Variants in MED15 observed in about 807,000 individuals in gnomAD.
MED15 encodes the protein mediator complex subunit 15, also known as mediator of RNA polymerase II transcription subunit 15.
Under a neutral mutation model 118.7 loss-of-function variants are expected in MED15, and 41 were observed. The ratio of observed to expected loss-of-function variants is 0.35; its 90% CI spans 0.27 to 0.45. The LOEUF (loss-of-function observed/expected upper bound fraction) is 0.45. Ranked by LOEUF, MED15 falls within the 20% of genes least tolerant of loss-of-function variation. The probability of loss-of-function intolerance (pLI) is 1.00; values close to 1 mark genes in which losing one functional copy is unlikely to be tolerated. For missense variants in MED15, 740 were observed against 1,025.5 expected (o/e 0.72, Z 3.80); for synonymous variants, 436 against 413.9 (o/e 1.05, Z -0.65).
chr22:20,538,688 T>C (rs1361457690), intron 2 of MED15, among the ~76,000 whole-genome samples: 1 of 151,672 alleles, frequency 6.6e-6, no homozygotes, highest in Non-Finnish European at 1.5e-5. Context: ...TTGTACAACA[T>C]ATGGGTTTTT....
chr22:20,518,434 T>G (rs75439996), intron 1 of MED15, among the ~76,000 whole-genome samples: 4,570 of 152,294 alleles, frequency 0.03, 241 homozygotes, highest in African/African-American at 0.1. Context: ...TGCTGTAGTG[T>G]CTGGCTCTTC....
intron 5 of MED15, among the ~76,000 whole-genome samples, chr22:20,560,261 C>CTATTAT (rs141805630): frequency 0.065 from 9,775 of 151,386 alleles, 586 homozygotes; most frequent in East Asian, 0.34. Flanking sequence ...CATTTCTTTT[C>CTATTAT]TATTATTATT....
intron 9 of MED15, among the ~76,000 whole-genome samples, chr22:20,575,627 C>T (rs165684): frequency 0.2 from 29,864 of 151,694 alleles, 2,983 homozygotes; most frequent in South Asian, 0.25. Context: ...ATCTCAACAC[C>T]TCAGGAGGCC....
intron 5 of MED15, among the ~76,000 whole-genome samples, chr22:20,563,070 A>G (rs2056306009): frequency 6.6e-6 from 1 of 152,188 alleles, no homozygotes; most frequent in African/African-American, 2.4e-5. Flanking sequence ...CAGAATTGCT[A>G]AAATGAATAG....
In MED15 at chr22:20,581,222, AAG is replaced by A. The variant is rs1424814726; in HGVS notation, c.1273-1386_1273-1385del. 2.6e-5 allele frequency among the ~76,000 whole-genome samples: 4 copies of A among 151,852 alleles called. No individual in the cohort carries two copies. In the East Asian group the frequency reaches 8.3e-4, roughly 31 times the overall value. On this transcript the variant is annotated intron_variant, in intron 9 of 17. Coordinates refer to ENST00000263205, the MANE Select transcript of MED15 (RefSeq NM_001003891.3). ...CAGCCCATGGAACAGGCAGGACAGA[AAG>A]AGCATTTCGCTCCAGGAGCTTGGTC...
intron 2 of MED15, among the ~76,000 whole-genome samples, chr22:20,541,435 A>T (rs1322512923): frequency 6.6e-6 from 1 of 152,194 alleles, no homozygotes; most frequent in Non-Finnish European, 1.5e-5. Flanking sequence ...TATAATGGCT[A>T]TGATTTTTAA....
intron 9 of MED15, among the ~76,000 whole-genome samples, chr22:20,580,885 G>A (rs922338165): frequency 3.3e-5 from 5 of 152,346 alleles, no homozygotes; most frequent in African/African-American, 9.6e-5. Flanking sequence ...TAACCTTTGC[G>A]AGAATCACCG....
At chr22:20,544,178 CG>C (rs2055431516) in intron 2 of MED15, among the ~76,000 whole-genome samples, 1 of 152,076 alleles carries the variant, frequency 6.6e-6, no homozygotes, top group Non-Finnish European at 1.5e-5. Flanking sequence ...CTTTAACATC[CG>C]CATTTCTACC....
At position 20,564,444 on chromosome 22, in the gene MED15, T is replaced by C. The variant is rs780750065; in HGVS notation, c.452-6T>C. ...GGACTGACTGGCGACTCTGGTCTTTTCTCAGCCCAGCTGCAGCTCCAGCAG... is the reference window on the plus strand; with the variant it reads ...GGACTGACTGGCGACTCTGGTCTTTCCTCAGCCCAGCTGCAGCTCCAGCAG... On this transcript the variant is annotated splice_polypyrimidine_tract_variant and splice_region_variant and intron_variant, in intron 5 of 17. Coordinates refer to ENST00000263205, the MANE Select transcript of MED15 (RefSeq NM_001003891.3). 3.7e-6 allele frequency: 6 copies of C among 1,613,716 alleles called. No individual in the cohort carries two copies. The East Asian group carries it at 1.1e-4, about 30-fold the overall frequency.
intron 2 of MED15, among the ~76,000 whole-genome samples, chr22:20,540,593 T>A (rs2055257665): frequency 6.6e-6 from 1 of 151,748 alleles, no homozygotes; most frequent in Admixed American, 6.6e-5. Context: ...TTTTAAAAAA[T>A]TAACTCAAAA....
intron 9 of MED15, among the ~76,000 whole-genome samples, chr22:20,578,255 A>G (rs911784079): frequency 2.0e-5 from 3 of 152,222 alleles, no homozygotes; most frequent in African/African-American, 7.2e-5. Context: ...AGGTTTGTTC[A>G]TGCTTGTTAG....
At chr22:20,580,090 C>T (rs780063895) in intron 9 of MED15, among the ~76,000 whole-genome samples, 14 of 152,214 alleles carry the variant, frequency 9.2e-5, no homozygotes, top group African/African-American at 2.9e-4. Flanking sequence ...GGGTGCCCCT[C>T]GTTTGTTTTT....
At chr22:20,549,270 A>G (rs1323041654) in intron 2 of MED15, among the ~76,000 whole-genome samples, 1 of 152,070 alleles carries the variant, frequency 6.6e-6, no homozygotes, top group Admixed American at 6.5e-5. Context: ...CATGATGTTC[A>G]TTGTTTATGG....
chr22:20,515,247 C>G (rs1291139113), intron 1 of MED15, among the ~76,000 whole-genome samples: 1 of 152,150 alleles, frequency 6.6e-6, no homozygotes, highest in Admixed American at 6.6e-5. Flanking sequence ...TTGACTCATC[C>G]CCTCTTCATG....
chr22:20,576,225 A>G (rs532651711), intron 9 of MED15, among the ~76,000 whole-genome samples: 10 of 152,382 alleles, frequency 6.6e-5, no homozygotes, highest in Non-Finnish European at 1.2e-4. Context: ...TCGTGAAAAC[A>G]TCAAATTTGC....
At chr22:20,566,029 CCTTTTTT>C (rs888351717) in intron 6 of MED15, among the ~76,000 whole-genome samples, 5 of 124,578 alleles carry the variant, frequency 4.0e-5, no homozygotes, top group African/African-American at 1.4e-4. Flanking sequence ...CCCAGGAAGG[CCTTTTTT>C]TTTTTTTTTT....
At position 20,575,165 on chromosome 22, in the gene MED15, C is replaced by T. The variant is rs774652228; in HGVS notation, c.1205C>T (p.Pro402Leu). 4 of 1,614,190 alleles carry T rather than the reference C, an allele frequency of 2.5e-6. No individual in the cohort carries two copies. Among genetic ancestry groups the T allele is most frequent in the African/African-American group, 1.3e-5 (1 of 75,060 alleles). Reference sequence around the variant, plus strand: ...GGGATGCACATAAGAGCCCGGTTCCCGCCTACCACCGCTGTGTCCGCCATC... The same window carrying T: ...GGGATGCACATAAGAGCCCGGTTCCTGCCTACCACCGCTGTGTCCGCCATC... ...QGGMHIRARF[P>L]PTTAVSAIPS... The change falls in exon 9 of 18, where the codon CCG (proline) becomes CTG (leucine). Residue 402 changes from proline to leucine, a missense_variant. Pro to Leu is a moderately conservative substitution (Grantham distance 98, BLOSUM62 -3). This residue lies in a region of MED15 where 384 missense variants were observed against 506.3 expected (regional missense o/e 0.76). Transcript: ENST00000263205.
intron 9 of MED15, among the ~76,000 whole-genome samples, chr22:20,576,244 CT>C (rs2056821794): frequency 6.6e-6 from 1 of 152,240 alleles, no homozygotes; most frequent in South Asian, 2.1e-4. Context: ...GCCAAAAGAA[CT>C]TTACAATTCA....
chr22:20,536,022 A>G (rs928336661), intron 1 of MED15, among the ~76,000 whole-genome samples: 2 of 151,748 alleles, frequency 1.3e-5, no homozygotes, highest in Non-Finnish European at 2.9e-5. Context: ...GATTACAGGC[A>G]TGCGCAACCA....
Sources: gnomAD v4.1 joint callset for allele counts (sites outside exome capture counted in the v4.1 genomes callset) on GRCh38, gnomAD v4.1.1 for gene constraint, gnomAD v4.1.1 regional missense constraint, MANE v1.5 for transcripts, NCBI Gene and HGNC (gene_info 2026-07-23, HGNC 2026-07-21) for gene names.